The following C1orf21 variants were observed in gnomAD, a reference collection of about 807,000 sequenced individuals.
C1orf21 encodes chromosome 1 open reading frame 21.
Under a neutral mutation model 18.7 loss-of-function variants are expected in C1orf21, and 3 were observed. The ratio of observed to expected loss-of-function variants is 0.16; its 90% CI spans 0.07 to 0.42. The LOEUF is 0.42. Ranked by LOEUF, C1orf21 falls within the 10% of genes least tolerant of loss-of-function variation. C1orf21 has a pLI of 0.99. For synonymous variants in C1orf21, 41 were observed against 46.4 expected (o/e 0.88, Z 0.47); for missense variants, 104 against 143.6 (o/e 0.72, Z 1.41).
At position 184,623,956 on chromosome 1, in the gene C1orf21, T is replaced by C. The variant is rs1176936551; in HGVS notation, c.*4400T>C. 6.6e-6 allele frequency: 1 copy of C among 152,630 alleles called. No individual in the cohort carries two copies. Among genetic ancestry groups the C allele is most frequent in the Non-Finnish European group, 1.5e-5 (1 of 68,040 alleles). The allele number at this position is 152,630 out of a possible 1,614,324, so 9.5% of individuals were successfully genotyped here. A position where few individuals can be genotyped will look rare whatever the true frequency, so the allele number is the denominator to read the frequency against. The stretch of plus-strand genomic sequence containing the variant: ...GAAAAAGGAGCTAATATTTGTCATT[T>C]ATACTCACTCTGTGCCAGATACTGT... On this transcript the variant is annotated 3_prime_UTR_variant, in exon 6 of 6. Transcript: ENST00000235307.
intron 1 of C1orf21, among the ~76,000 whole-genome samples, chr1:184,475,458 C>G (rs970314526): frequency 4.6e-5 from 7 of 152,158 alleles, no homozygotes; most frequent in Non-Finnish European, 1.0e-4. Flanking sequence ...ACCATCCTTT[C>G]AGCCTGGTAA....
At chr1:184,487,513 G>T (rs969185749) in intron 2 of C1orf21, among the ~76,000 whole-genome samples, 12 of 152,310 alleles carry the variant, frequency 7.9e-5, no homozygotes, top group African/African-American at 2.9e-4. Context: ...ATGCTGACTC[G>T]ACTAAGGGAG....
intron 1 of C1orf21, among the ~76,000 whole-genome samples, chr1:184,436,601 T>A (rs757466769): frequency 1.3e-5 from 2 of 152,198 alleles, no homozygotes; most frequent in Non-Finnish European, 2.9e-5. Flanking sequence ...CTATGCCACT[T>A]ATTCCTCACT....
At chr1:184,470,889 AAAG>A (rs1189406406) in intron 1 of C1orf21, among the ~76,000 whole-genome samples, 3 of 152,060 alleles carry the variant, frequency 2.0e-5, no homozygotes, top group Admixed American at 6.6e-5. Flanking sequence ...AAAAAAAAAA[AAAG>A]AACAAGAAAG....
chr1:184,550,232 A>G (rs940617716), intron 3 of C1orf21, among the ~76,000 whole-genome samples: 4 of 152,254 alleles, frequency 2.6e-5, no homozygotes, highest in Non-Finnish European at 5.9e-5. Context: ...ATATCAAGGA[A>G]CGCATGTAGT....
At chr1:184,478,056 G>A (rs1657598549) in intron 2 of C1orf21, among the ~76,000 whole-genome samples, 1 of 152,110 alleles carries the variant, frequency 6.6e-6, no homozygotes, top group Non-Finnish European at 1.5e-5. Flanking sequence ...GGAACATGGA[G>A]GTTTTTTTTG....
At chr1:184,608,216 T>C (rs1221904705) in intron 5 of C1orf21, among the ~76,000 whole-genome samples, 1 of 152,250 alleles carries the variant, frequency 6.6e-6, no homozygotes, top group Non-Finnish European at 1.5e-5. Flanking sequence ...ATAGTGTCTT[T>C]ACATTCTTCA....
At chr1:184,423,902 A>ATCC (rs760284459) in intron 1 of C1orf21, among the ~76,000 whole-genome samples, 94 of 129,530 alleles carry the variant, frequency 7.3e-4, no homozygotes, top group African/African-American at 2.5e-3. Flanking sequence ...TCCATCCATC[A>ATCC]ATCTATCATT....
intron 1 of C1orf21, among the ~76,000 whole-genome samples, chr1:184,470,708 A>G (rs945815246): frequency 1.3e-5 from 2 of 152,108 alleles, no homozygotes; most frequent in African/African-American, 4.8e-5. Flanking sequence ...GCGAAATCCC[A>G]TCTCTGCTAA....
intron 5 of C1orf21, among the ~76,000 whole-genome samples, chr1:184,603,445 T>G (rs1659610827): frequency 6.6e-6 from 1 of 152,222 alleles, no homozygotes. Flanking sequence ...CAATGTGACA[T>G]TTCAGAAAAA....
chr1:184,522,995 G>A (rs1658325651), intron 3 of C1orf21, among the ~76,000 whole-genome samples: 1 of 152,142 alleles, frequency 6.6e-6, no homozygotes, highest in Non-Finnish European at 1.5e-5. Context: ...GACTTACAAA[G>A]GGTACACTTT....
intron 3 of C1orf21, among the ~76,000 whole-genome samples, chr1:184,583,540 C>T (rs1239653678): frequency 6.6e-6 from 1 of 152,150 alleles, no homozygotes; most frequent in South Asian, 2.1e-4. Context: ...CACAGAGCCC[C>T]AAGGCTTAGG....
chr1:184,416,418 A>C (rs1656452305), intron 1 of C1orf21, among the ~76,000 whole-genome samples: 1 of 152,154 alleles, frequency 6.6e-6, no homozygotes, highest in South Asian at 2.1e-4. Flanking sequence ...AATTTAATTT[A>C]TTATATATGT....
intron 3 of C1orf21, among the ~76,000 whole-genome samples, chr1:184,568,189 A>G (rs1015164981): frequency 1.3e-5 from 2 of 152,170 alleles, no homozygotes; most frequent in Non-Finnish European, 2.9e-5. Context: ...TCCTTTTACC[A>G]CATACACACA....
At position 184,619,293 on chromosome 1, in the gene C1orf21, G is replaced by A. The variant is rs1216732315; in HGVS notation, c.328-225G>A. On this transcript the variant is annotated intron_variant, in intron 5 of 5. Transcript: ENST00000235307. ...AAATTCTTACCAACATAAAGTAAGG[G>A]CTTATTTGGGGCTTGGTAAAACTGT... 2.6e-5 allele frequency among the ~76,000 whole-genome samples: 4 copies of A among 152,116 alleles called. No homozygotes were observed. In the East Asian group the frequency reaches 7.7e-4, roughly 29 times the overall value.
chr1:184,566,735 A>C, intron 3 of C1orf21: 1 of 394,814 alleles, frequency 2.5e-6, no homozygotes, highest in Non-Finnish European at 5.1e-6. Context: ...ATCTGGGACT[A>C]CCAGATGATT....
At chr1:184,443,030 A>G (rs1226369718) in intron 1 of C1orf21, among the ~76,000 whole-genome samples, 2 of 152,212 alleles carry the variant, frequency 1.3e-5, no homozygotes, top group Non-Finnish European at 2.9e-5. Context: ...GAAGTCAGTA[A>G]TAACAATAGT....
At chr1:184,496,678 T>G (rs1288527763) in intron 2 of C1orf21, among the ~76,000 whole-genome samples, 3 of 152,166 alleles carry the variant, frequency 2.0e-5, no homozygotes, top group Non-Finnish European at 2.9e-5. Context: ...GAAGAGCAGC[T>G]CTCCGCTTGA....
intron 3 of C1orf21, among the ~76,000 whole-genome samples, chr1:184,563,159 T>G (rs770093532): frequency 1.3e-5 from 2 of 152,228 alleles, no homozygotes; most frequent in Non-Finnish European, 2.9e-5. Context: ...TGTTAACTAC[T>G]ATGAGATGCA....
Sources: gnomAD v4.1 joint callset for allele counts (sites outside exome capture counted in the v4.1 genomes callset) on GRCh38, gnomAD v4.1.1 for gene constraint, MANE v1.5 for transcripts, NCBI Gene and HGNC (gene_info 2026-07-23, HGNC 2026-07-21) for gene names.